C12orf75: variants seen among roughly 807,000 people sequenced by gnomAD.
The protein encoded by C12orf75 is chromosome 12 open reading frame 75.
In C12orf75, 4 loss-of-function variants were observed where a neutral mutation model predicts 11.4. That is an observed-to-expected ratio of 0.35 (90% confidence interval 0.17 to 0.80). C12orf75 has a LOEUF of 0.80. Ranked by LOEUF, C12orf75 falls within the 30% of genes least tolerant of loss-of-function variation. C12orf75 has a pLI of 0.52. For synonymous variants in C12orf75, 30 were observed against 30.0 expected (o/e 1.00, Z 0.00); for missense variants, 89 against 80.4 (o/e 1.11, Z -0.41).
intron 2 of C12orf75, among the ~76,000 whole-genome samples, chr12:105,361,676 C>T (rs1302681618): frequency 6.6e-6 from 1 of 152,060 alleles, no homozygotes; most frequent in Non-Finnish European, 1.5e-5. Flanking sequence ...GTGTATTGAC[C>T]CATTTTTCTT....
chr12:105,353,185 G>A (rs1892736157), intron 2 of C12orf75, among the ~76,000 whole-genome samples: 1 of 152,212 alleles, frequency 6.6e-6, no homozygotes, highest in African/African-American at 2.4e-5. Flanking sequence ...CTTGGCTGTA[G>A]TCACAGCTGG....
intron 1 of C12orf75, among the ~76,000 whole-genome samples, chr12:105,331,234 C>G (rs1293053052): frequency 6.6e-6 from 1 of 151,894 alleles, no homozygotes; most frequent in Non-Finnish European, 1.5e-5. Flanking sequence ...GGTCTCAGGG[C>G]TCTCCTGGGG....
At position 105,370,895 on chromosome 12, in the gene C12orf75, C is replaced by T. The variant is rs1022771243; in HGVS notation, c.*295C>T. 56 of 320,196 alleles carry T rather than the reference C, an allele frequency of 1.7e-4. No homozygotes were observed. Among genetic ancestry groups the T allele is most frequent in the Non-Finnish European group, 3.0e-4 (47 of 158,742 alleles). The allele number at this position is 320,196 out of a possible 1,614,324, so 19.8% of individuals were successfully genotyped here. ...GAGGCTGTTGTTGCCCAGCCAGGGC[C>T]GCTGCATTTTGACAACATTTCCACC... On this transcript the variant is annotated 3_prime_UTR_variant, in exon 6 of 6. Coordinates refer to ENST00000443585, the MANE Select transcript of C12orf75 (RefSeq NM_001145199.2).
At chr12:105,336,086 C>G (rs1892496773) in intron 1 of C12orf75, among the ~76,000 whole-genome samples, 1 of 152,144 alleles carries the variant, frequency 6.6e-6, no homozygotes, top group South Asian at 2.1e-4. Flanking sequence ...ATTTGGATAG[C>G]AGAAAATGGA....
chr12:105,354,990 C>T (rs1892757165), intron 2 of C12orf75, among the ~76,000 whole-genome samples: 1 of 151,054 alleles, frequency 6.6e-6, no homozygotes, highest in South Asian at 2.1e-4. Context: ...ATTTTTTTTT[C>T]CTCCCTAGGG....
Position 105,330,706 on chromosome 12 carries a change from G to A in C12orf75, c.-186G>A. 4.6e-6 allele frequency: 2 copies of A among 435,606 alleles called. No individual in the cohort carries two copies. The highest frequency in any genetic ancestry group is 6.8e-6 in the Non-Finnish European group (2 of 293,554). The allele number at this position is 435,606 out of a possible 1,614,324, so 27.0% of individuals were successfully genotyped here. ...GGTGCCGGGTGGTTTCCGCCCGGCA[G>A]CCCGCAGCCCGCTGCGCCCCGGGCC... On this transcript the variant is annotated 5_prime_UTR_variant, in exon 1 of 6. Coordinates refer to ENST00000443585, the MANE Select transcript of C12orf75 (RefSeq NM_001145199.2).
chr12:105,349,649 G>C (rs1892686565), intron 2 of C12orf75, among the ~76,000 whole-genome samples: 1 of 152,224 alleles, frequency 6.6e-6, no homozygotes, highest in Non-Finnish European at 1.5e-5. Context: ...GCTGAGGCGG[G>C]TGGATCACTT....
intron 1 of C12orf75, among the ~76,000 whole-genome samples, chr12:105,332,860 A>C (rs11112471): frequency 0.78 from 117,344 of 150,508 alleles, 46,602 homozygotes; most frequent in African/African-American, 0.92. Context: ...AAATATGATT[A>C]TCTTTATGAA....
chr12:105,363,735 A>C (rs1454399733), intron 2 of C12orf75, among the ~76,000 whole-genome samples: 1 of 152,116 alleles, frequency 6.6e-6, no homozygotes, highest in African/African-American at 2.4e-5. Context: ...ATTAAAAAAA[A>C]AAAAAAGAGT....
chr12:105,367,733 TTTA>T (rs1277588506), intron 5 of C12orf75, among the ~76,000 whole-genome samples: 1 of 152,218 alleles, frequency 6.6e-6, no homozygotes, highest in African/African-American at 2.4e-5. Context: ...AAAATGAATA[TTTA>T]TTTAATAAGA....
At chr12:105,333,687 C>T (rs535043005) in intron 1 of C12orf75, among the ~76,000 whole-genome samples, 1 of 152,136 alleles carries the variant, frequency 6.6e-6, no homozygotes, top group Admixed American at 6.5e-5. Flanking sequence ...GGGAATAATT[C>T]GGTGTATCTT....
chr12:105,341,980 A>G (rs1044632714), intron 1 of C12orf75, among the ~76,000 whole-genome samples: 9 of 152,188 alleles, frequency 5.9e-5, no homozygotes, highest in African/African-American at 1.9e-4. Context: ...TTTGTGTTCC[A>G]CCATGACTGT....
intron 2 of C12orf75, among the ~76,000 whole-genome samples, chr12:105,364,842 T>TG (rs1396199979): frequency 2.0e-5 from 3 of 148,842 alleles, no homozygotes; most frequent in Non-Finnish European, 4.5e-5. Flanking sequence ...GACTCCTTTT[T>TG]TTTTTTTTTT....
chr12:105,368,938 A>G (rs1871557028), intron 5 of C12orf75, among the ~76,000 whole-genome samples: 1 of 152,196 alleles, frequency 6.6e-6, no homozygotes, highest in African/African-American at 2.4e-5. Context: ...CTAGCCCTCC[A>G]TATAGATTTC....
rs1448018388 is a variant in C12orf75, at chr12:105,370,875, T to C, written c.*275T>C. On this transcript the variant is annotated 3_prime_UTR_variant, in exon 6 of 6. Coordinates refer to ENST00000443585, the MANE Select transcript of C12orf75 (RefSeq NM_001145199.2). ...CAAGTTAACAAACTGTCATGGAGGC[T>C]GTTGTTGCCCAGCCAGGGCCGCTGC... The C allele has an allele frequency of 5.7e-6, 2 of 350,216 alleles. No individual in the cohort carries two copies. The highest frequency in any genetic ancestry group is 1.2e-5 in the Non-Finnish European group (2 of 172,978). The allele number at this position is 350,216 out of a possible 1,614,324, so 21.7% of individuals were successfully genotyped here. A position where few individuals can be genotyped will look rare whatever the true frequency, so the allele number is the denominator to read the frequency against.
intron 2 of C12orf75, among the ~76,000 whole-genome samples, chr12:105,353,169 C>T (rs1007568531): frequency 6.6e-6 from 1 of 152,184 alleles, no homozygotes; most frequent in African/African-American, 2.4e-5. Context: ...GGAAAAGCTC[C>T]AGGGACTTGG....
At chr12:105,346,791 C>G (rs1892646937) in intron 1 of C12orf75, among the ~76,000 whole-genome samples, 1 of 152,214 alleles carries the variant, frequency 6.6e-6, no homozygotes, top group Non-Finnish European at 1.5e-5. Context: ...TTGGCAATAA[C>G]TTTACCCACA....
chr12:105,350,560 T>C (rs1003207106), intron 2 of C12orf75, among the ~76,000 whole-genome samples: 4 of 152,244 alleles, frequency 2.6e-5, no homozygotes, highest in Admixed American at 2.6e-4. Context: ...AAGTATTTCC[T>C]GGCTCTCTGA....
intron 2 of C12orf75, among the ~76,000 whole-genome samples, chr12:105,352,781 C>T (rs890673519): frequency 2.6e-5 from 4 of 152,060 alleles, no homozygotes; most frequent in South Asian, 2.1e-4. Context: ...GGCTAGAGAA[C>T]TCAAAACCTA....
Sources: allele counts gnomAD v4.1 joint callset (sites outside exome capture counted in the v4.1 genomes callset), GRCh38; gene constraint gnomAD v4.1.1; transcripts MANE v1.5; gene names NCBI Gene and HGNC (gene_info 2026-07-23, HGNC 2026-07-21).